PTAR1: variants seen among roughly 807,000 people sequenced by gnomAD.
PTAR1 encodes the protein protein prenyltransferase alpha subunit repeat containing 1.
Under a neutral mutation model 45.5 loss-of-function variants are expected in PTAR1, and 17 were observed. The observed-to-expected ratio is 0.37, with a 90% confidence interval of 0.26 to 0.56. The LOEUF (loss-of-function observed/expected upper bound fraction) is 0.56, where lower values mean the gene tolerates loss of function less well. Ranked by LOEUF, PTAR1 falls within the 20% of genes least tolerant of loss-of-function variation. The pLI is 0.77. For synonymous variants in PTAR1, 169 were observed against 171.3 expected (o/e 0.99, Z 0.11); for missense variants, 391 against 476.3 (o/e 0.82, Z 1.67).
At chr9:69,730,588 T>C (rs1350789844) in intron 5 of PTAR1, among the ~76,000 whole-genome samples, 1 of 148,930 alleles carries the variant, frequency 6.7e-6, no homozygotes, top group East Asian at 2.0e-4. Flanking sequence ...CCCAACTCAA[T>C]GTATCTTCCT....
At chr9:69,735,373 A>C (rs907330731) in intron 3 of PTAR1, among the ~76,000 whole-genome samples, 11 of 152,184 alleles carry the variant, frequency 7.2e-5, no homozygotes, top group Non-Finnish European at 2.9e-5. Flanking sequence ...TACTTATAAT[A>C]CCTAATACAA....
At position 69,731,922 on chromosome 9, in the gene PTAR1, T is replaced by C. The variant is rs775638251; in HGVS notation, c.642+217A>G. On this transcript the variant is annotated intron_variant, in intron 5 of 7. Transcript: ENST00000340434. ...GGTTAAACCTGCCTTGCTTTACCAA[T>C]GCACTAGCCTTAAGACTGCCAAAAA... The C allele has an allele frequency of 4.7e-4, 266 of 560,462 alleles. 4 individuals are homozygous for C. Among genetic ancestry groups the C allele is most frequent in the Admixed American group, 1.6e-4 (5 of 31,010 alleles). The allele number at this position is 560,462 out of a possible 1,614,324, so 34.7% of individuals were successfully genotyped here. A position where few individuals can be genotyped will look rare whatever the true frequency, so the allele number is the denominator to read the frequency against.
At chr9:69,757,122 A>T (rs957316914) in intron 1 of PTAR1, 1 of 152,166 alleles carries the variant, frequency 6.6e-6, no homozygotes, top group Non-Finnish European at 1.5e-5. Flanking sequence ...AACACTTCAT[A>T]AACAGTGAGT....
At chr9:69,720,415 GA>G (rs528677061) in intron 6 of PTAR1, among the ~76,000 whole-genome samples, 40 of 152,260 alleles carry the variant, frequency 2.6e-4, no homozygotes, top group African/African-American at 9.4e-4. Flanking sequence ...GGAAGTTGGA[GA>G]AAAAGAGTTT....
intron 1 of PTAR1, chr9:69,757,569 C>T (rs940357254): frequency 1.3e-5 from 2 of 152,182 alleles, no homozygotes; most frequent in Non-Finnish European, 2.9e-5. Flanking sequence ...ACTGCATCCT[C>T]AACTCCTTCT....
At chr9:69,728,116 G>A (rs904870067) in intron 5 of PTAR1, among the ~76,000 whole-genome samples, 2 of 152,090 alleles carry the variant, frequency 1.3e-5, no homozygotes, top group African/African-American at 4.8e-5. Context: ...GTTATAGCAT[G>A]TATCAGTATT....
At position 69,740,304 on chromosome 9, in the gene PTAR1, C is replaced by T. The variant is rs199861290; in HGVS notation, c.323+1488G>A. Among the ~76,000 whole-genome samples, 5 of 151,992 alleles carry T rather than the reference C, an allele frequency of 3.3e-5. No homozygotes were observed. The East Asian group carries it at 9.7e-4, about 29-fold the overall frequency. ...CTCTCTATTGGTGAGGATGATGAAA[C>T]AGGACTAAGTTCCATGAATCTTAGG... On this transcript the variant is annotated intron_variant, in intron 3 of 7. Transcript: ENST00000340434.
intron 3 of PTAR1, among the ~76,000 whole-genome samples, chr9:69,735,605 A>G (rs1215882716): frequency 6.6e-6 from 1 of 152,224 alleles, no homozygotes; most frequent in Non-Finnish European, 1.5e-5. Flanking sequence ...TACAATTTAC[A>G]TTTAATTTCT....
At chr9:69,740,965 T>C (rs1421130218) in intron 3 of PTAR1, among the ~76,000 whole-genome samples, 1 of 152,220 alleles carries the variant, frequency 6.6e-6, no homozygotes, top group African/African-American at 2.4e-5. Flanking sequence ...CTTCAAAATA[T>C]GATGTGCAGT....
intron 3 of PTAR1, 54 bp downstream of exon 3, chr9:69,741,738 A>G (rs778513058): frequency 2.5e-6 from 3 of 1,188,408 alleles, no homozygotes; most frequent in Non-Finnish European, 2.5e-6. Context: ...TGGGGCTTAC[A>G]TGTCTTCAGA....
In PTAR1 at chr9:69,730,628, T is replaced by A. The variant is rs182659627; in HGVS notation, c.642+1511A>T. Among the ~76,000 whole-genome samples the A allele has an allele frequency of 5.3e-4, 79 of 148,416 alleles. 4 individuals are homozygous for A. The East Asian group carries it at 0.015, about 29-fold the overall frequency. ...CCGGCAGCTATTTCCAACGAGCGCA[T>A]CCTAGATGAAGAACGATTTTTCTGT... On this transcript the variant is annotated intron_variant, in intron 5 of 7. Transcript: ENST00000340434.
intron 3 of PTAR1, among the ~76,000 whole-genome samples, chr9:69,734,844 T>A (rs1473823630): frequency 2.6e-5 from 4 of 152,244 alleles, no homozygotes; most frequent in Non-Finnish European, 1.5e-5. Context: ...TTTTACATCC[T>A]GCTCTCATTA....
Position 69,718,574 on chromosome 9 carries a change from A to G in PTAR1, c.983-6T>C. ...TTGAGACAGCTGGGAGCCTGCTGGG[A>G]TAAGGTGCAAGTCACTCAAAGTCCC... On this transcript the variant is annotated splice_region_variant and splice_polypyrimidine_tract_variant and intron_variant, in intron 7 of 7. Coordinates refer to ENST00000340434, the MANE Select transcript of PTAR1 (RefSeq NM_001099666.2). The G allele has an allele frequency of 6.2e-7, 1 of 1,613,598 alleles. No homozygotes were observed. The highest frequency in any genetic ancestry group is 2.2e-5 in the East Asian group (1 of 44,846).
chr9:69,728,558 C>A (rs1825389868), intron 5 of PTAR1, among the ~76,000 whole-genome samples: 1 of 152,140 alleles, frequency 6.6e-6, no homozygotes. Context: ...TTTTGCTTTG[C>A]ATTTCCCTAA....
chr9:69,745,473 C>T (rs1826235258), intron 2 of PTAR1, among the ~76,000 whole-genome samples: 1 of 152,184 alleles, frequency 6.6e-6, no homozygotes, highest in South Asian at 2.1e-4. Flanking sequence ...TTCCTTCCTC[C>T]CTCCATCACA....
intron 1 of PTAR1, among the ~76,000 whole-genome samples, chr9:69,755,784 C>T (rs975873333): frequency 6.6e-6 from 1 of 152,100 alleles, no homozygotes; most frequent in Admixed American, 6.5e-5. Flanking sequence ...TATAGGCTTT[C>T]TCATTAATTC....
At chr9:69,758,735 C>A in intron 1 of PTAR1, 1 of 371,914 alleles carries the variant, frequency 2.7e-6, no homozygotes, top group South Asian at 2.0e-5. Context: ...TGGTAAGATA[C>A]ACGTTTGGCA....
Position 69,716,635 on chromosome 9 carries a change from T to C in PTAR1, c.*1707A>G, listed in dbSNP as rs1824737744. 1 of 152,158 alleles carries C rather than the reference T, an allele frequency of 6.6e-6. No individual in the cohort carries two copies. The highest frequency in any genetic ancestry group is 1.5e-5 in the Non-Finnish European group (1 of 68,034). The allele number at this position is 152,158 out of a possible 1,614,324, so 9.4% of individuals were successfully genotyped here. On this transcript the variant is annotated 3_prime_UTR_variant, in exon 8 of 8. Coordinates refer to ENST00000340434, the MANE Select transcript of PTAR1 (RefSeq NM_001099666.2). ...GAGAGAGGTTTACTTTCCCTACATCTTTATCCCCACTTTACAAATTACCTA... is the reference window on the plus strand; with the variant it reads ...GAGAGAGGTTTACTTTCCCTACATCCTTATCCCCACTTTACAAATTACCTA...
chr9:69,735,245 G>A lies in PTAR1; in HGVS notation c.324-991C>T, dbSNP rs73444515. Among the ~76,000 whole-genome samples, 1,371 of 152,220 alleles carry A rather than the reference G, an allele frequency of 9.0e-3. 18 individuals carry two copies. Among genetic ancestry groups the A allele is most frequent in the African/African-American group, 0.03 (1,244 of 41,520 alleles). On this transcript the variant is annotated intron_variant, in intron 3 of 7. Coordinates refer to ENST00000340434, the MANE Select transcript of PTAR1 (RefSeq NM_001099666.2). ...AGTTGTCCCTTGGTATCTTGTGGGGGCTTGGTTCAGGACCTCCCAAGGATA... is the reference window on the plus strand; with the variant it reads ...AGTTGTCCCTTGGTATCTTGTGGGGACTTGGTTCAGGACCTCCCAAGGATA...
Sources: gnomAD v4.1 joint callset for allele counts (sites outside exome capture counted in the v4.1 genomes callset) on GRCh38, gnomAD v4.1.1 for gene constraint, MANE v1.5 for transcripts, NCBI Gene and HGNC (gene_info 2026-07-23, HGNC 2026-07-21) for gene names.